FBXO4: variants seen among roughly 807,000 people sequenced by gnomAD.
The protein encoded by FBXO4 is F-box protein 4.
A neutral mutation model predicts 43.7 loss-of-function variants in FBXO4; 36 were observed. That is an observed-to-expected ratio of 0.82 (90% CI 0.63 to 1.09). FBXO4 has a LOEUF of 1.09. FBXO4 is among the 50% of genes least tolerant of loss of function. FBXO4 has a pLI of 0.00. For synonymous variants in FBXO4, 180 were observed against 165.6 expected (o/e 1.09, Z -0.67); for missense variants, 435 against 474.1 (o/e 0.92, Z 0.77).
chr5:42,023,252 A>G, the FBXO4 span, among the ~76,000 whole-genome samples: 2 of 152,122 alleles, frequency 1.3e-5, no homozygotes, highest in South Asian at 4.1e-4. Context: ...AAGATATATT[A>G]TACATCTCTA....
chr5:41,942,120 G>T (rs1343602190), downstream of FBXO4, among the ~76,000 whole-genome samples: 2 of 152,008 alleles, frequency 1.3e-5, no homozygotes, highest in Non-Finnish European at 2.9e-5. Context: ...TGGACAGAAA[G>T]TTTGTAACAT....
chr5:42,030,903 A>G, the FBXO4 span, among the ~76,000 whole-genome samples: 15 of 152,324 alleles, frequency 9.8e-5, no homozygotes, highest in Non-Finnish European at 1.6e-4. Flanking sequence ...CAAAACCACA[A>G]TGAGATACCA....
chr5:41,998,100 T>C, the FBXO4 span, among the ~76,000 whole-genome samples: 1 of 152,338 alleles, frequency 6.6e-6, no homozygotes, highest in African/African-American at 2.4e-5. Context: ...AAGCGCTACA[T>C]GAGTCAGACT....
chr5:41,953,800 G>T, the FBXO4 span, among the ~76,000 whole-genome samples: 1 of 151,750 alleles, frequency 6.6e-6, no homozygotes, highest in Admixed American at 6.6e-5. Flanking sequence ...GTCTTCTTTT[G>T]AGAAGTGTCT....
At chr5:41,999,516 T>C in the FBXO4 span, among the ~76,000 whole-genome samples, 21 of 114,918 alleles carry the variant, frequency 1.8e-4, no homozygotes, top group African/African-American at 5.1e-4. Flanking sequence ...TGTATATATA[T>C]ATATATACAT....
At chr5:41,951,150 G>C in the FBXO4 span, among the ~76,000 whole-genome samples, 3 of 152,154 alleles carry the variant, frequency 2.0e-5, no homozygotes, top group African/African-American at 7.2e-5. Flanking sequence ...ACCATGGCAA[G>C]TGTATACCTA....
At chr5:41,969,043 G>T in the FBXO4 span, among the ~76,000 whole-genome samples, 1 of 152,124 alleles carries the variant, frequency 6.6e-6, no homozygotes, top group African/African-American at 2.4e-5. Flanking sequence ...CTAAGTGCAA[G>T]CTCTTTTGCA....
the FBXO4 span, among the ~76,000 whole-genome samples, chr5:42,028,220 T>G: frequency 1.3e-5 from 2 of 151,952 alleles, no homozygotes; most frequent in Admixed American, 6.6e-5. Context: ...TGTGCATATA[T>G]ATTTAAAATT....
chr5:42,011,819 G>A, the FBXO4 span, among the ~76,000 whole-genome samples: 1 of 152,246 alleles, frequency 6.6e-6, no homozygotes, highest in South Asian at 2.1e-4. Context: ...TGCCAAATTT[G>A]CCAATGGCTT....
At chr5:41,958,394 A>C in the FBXO4 span, among the ~76,000 whole-genome samples, 1 of 152,152 alleles carries the variant, frequency 6.6e-6, no homozygotes, top group Admixed American at 6.5e-5. Flanking sequence ...TGTCCTCCCA[A>C]AGTGCTGGGA....
the FBXO4 span, among the ~76,000 whole-genome samples, chr5:42,012,244 T>C: frequency 1.3e-5 from 2 of 152,066 alleles, no homozygotes; most frequent in Non-Finnish European, 2.9e-5. Context: ...AGGGCCTCTA[T>C]AGAATGCCCT....
At chr5:42,005,037 G>T in the FBXO4 span, among the ~76,000 whole-genome samples, 2 of 152,200 alleles carry the variant, frequency 1.3e-5, no homozygotes, top group South Asian at 2.1e-4. Flanking sequence ...GCTGCAGGGG[G>T]GTGGGTAATA....
chr5:41,966,953 G>A, the FBXO4 span, among the ~76,000 whole-genome samples: 54 of 152,216 alleles, frequency 3.5e-4, 1 homozygote, highest in Admixed American at 1.2e-3. Flanking sequence ...GCATGATACT[G>A]TAATGCTTCC....
the FBXO4 span, among the ~76,000 whole-genome samples, chr5:42,023,745 T>C: frequency 2.4e-3 from 364 of 152,010 alleles, no homozygotes; most frequent in Non-Finnish European, 4.3e-3. Context: ...TTGTATTAAA[T>C]AGCCAGAAAA....
chr5:41,949,824 G>C, the FBXO4 span, among the ~76,000 whole-genome samples: 3 of 152,124 alleles, frequency 2.0e-5, no homozygotes, highest in African/African-American at 7.2e-5. Flanking sequence ...ATACTACAAG[G>C]CTACAGTAAC....
chr5:41,959,496 C>T, the FBXO4 span, among the ~76,000 whole-genome samples: 2 of 151,886 alleles, frequency 1.3e-5, no homozygotes, highest in Admixed American at 1.3e-4. Context: ...CCATTTTTTT[C>T]CAGTAGTGTT....
the FBXO4 span, among the ~76,000 whole-genome samples, chr5:42,004,524 G>A: frequency 6.6e-6 from 1 of 152,020 alleles, no homozygotes; most frequent in Non-Finnish European, 1.5e-5. Context: ...AAATACATAG[G>A]ACCATAGAAT....
At chr5:41,934,467 G>A (rs1011074208) in intron 5 of FBXO4, 159 bp downstream of exon 5, 1 of 1,460,384 alleles carries the variant, frequency 6.8e-7, no homozygotes, top group African/African-American at 1.4e-5. Flanking sequence ...TCACACTTTT[G>A]TGTGTATTAG....
the FBXO4 span, among the ~76,000 whole-genome samples, chr5:41,970,777 A>T: frequency 6.6e-6 from 1 of 151,972 alleles, no homozygotes; most frequent in African/African-American, 2.4e-5. Flanking sequence ...GGCAAAAATA[A>T]TTTAAATTTA....
Sources: gnomAD v4.1 joint callset for allele counts (sites outside exome capture counted in the v4.1 genomes callset) on GRCh38, gnomAD v4.1.1 for gene constraint, MANE v1.5 for transcripts, NCBI Gene and HGNC (gene_info 2026-07-23, HGNC 2026-07-21) for gene names.